POLD1: variants seen among roughly 807,000 people sequenced by gnomAD.
POLD1 encodes the protein DNA polymerase delta catalytic subunit.
Under a neutral mutation model 129.7 loss-of-function variants are expected in POLD1, and 79 were observed. The observed-to-expected ratio is 0.61, with a 90% CI of 0.51 to 0.73. POLD1 has a LOEUF of 0.73. POLD1 is among the 30% of genes least tolerant of loss of function. The probability of loss-of-function intolerance (pLI) is 0.00; values close to 1 mark genes in which losing one functional copy is unlikely to be tolerated. For synonymous variants in POLD1, 714 were observed against 683.3 expected (o/e 1.04, Z -0.70); for missense variants, 1,338 against 1,595.8 (o/e 0.84, Z 2.75).
intron 1 of POLD1, among the ~76,000 whole-genome samples, chr19:50,391,503 C>G (rs1010039007): frequency 2.0e-5 from 3 of 152,168 alleles, no homozygotes; most frequent in African/African-American, 7.2e-5. Flanking sequence ...GGAGACCAGC[C>G]CGGCCAACAC....
rs755163951 is a variant in POLD1, at chr19:50,413,822, G to A, written c.2331G>A (p.Glu777=). The change falls in exon 19 of 27, where the codon GAG becomes GAA. Residue 777 remains glutamate, a synonymous_variant. Transcript: ENST00000440232. ...SVAEAMALGR[E]AADWVSGHFP... ...CTGAGGCGATGGCCCTGGGGCGGGA[G>A]GCCGCGGACTGGGTGTCAGGTCACT... The A allele has an allele frequency of 1.9e-6, 3 of 1,612,190 alleles. No homozygotes were observed. In the Admixed American group the frequency reaches 5.0e-5, roughly 27 times the overall value.
At position 50,402,086 on chromosome 19, in the gene POLD1, GGCCGGCCGT is replaced by G; in HGVS notation, c.554_562del (p.Pro185_Val187del). The G allele has an allele frequency of 6.2e-7, 1 of 1,613,908 alleles. No homozygotes were observed. Among genetic ancestry groups the G allele is most frequent in the Non-Finnish European group, 8.5e-7 (1 of 1,179,906 alleles). Reference sequence around the variant, plus strand: ...AGTCGCGGGGGGAGGGAGCTGACTGGGCCGGCCGTGCTGGCTGTGGAACTGTGCTCCCGA... The same window carrying G: ...AGTCGCGGGGGGAGGGAGCTGACTGGGCTGGCTGTGGAACTGTGCTCCCGA... On this transcript the variant is annotated inframe_deletion, in exon 5 of 27. Coordinates refer to ENST00000440232, the MANE Select transcript of POLD1 (RefSeq NM_002691.4).
chr19:50,398,400 C>T lies in POLD1; in HGVS notation c.-1-451C>T, dbSNP rs191664742. Among the ~76,000 whole-genome samples the T allele has an allele frequency of 3.5e-3, 529 of 151,860 alleles. 3 individuals carry two copies. Among genetic ancestry groups the T allele is most frequent in the African/African-American group, 0.012 (505 of 41,422 alleles). On this transcript the variant is annotated intron_variant, in intron 1 of 26. Coordinates refer to ENST00000440232, the MANE Select transcript of POLD1 (RefSeq NM_002691.4). ...CAGCCTGGCCAACATGGCAAAACCC[C>T]GTCTCTACTCAAAACACAAAAATTA...
intron 22 of POLD1, 171 bp from the exon 23 acceptor site, chr19:50,416,225 C>T: frequency 1.5e-6 from 1 of 647,066 alleles, no homozygotes; most frequent in Non-Finnish European, 2.7e-6. Flanking sequence ...GCCCTACAGA[C>T]TCTGTGGCCC....
rs757846450 is a variant in POLD1, at chr19:50,413,802, G to A, written c.2311G>A (p.Ala771Thr). Reference protein sequence around the residue: ...CRFGVSSVAEAMALGREAADW... With the variant: ...CRFGVSSVAETMALGREAADW... ...ATTCGGCGTGTCCTCGGTGGCTGAG[G>A]CGATGGCCCTGGGGCGGGAGGCCGC... The change falls in exon 19 of 27, where the codon GCG becomes ACG. Residue 771 changes from alanine (A) to threonine (T), a missense_variant. By Grantham distance (58) the Ala-to-Thr change is moderately conservative. Transcript: ENST00000440232. 6.2e-7 allele frequency: 1 copy of A among 1,612,730 alleles called. No individual in the cohort carries two copies. The highest frequency in any genetic ancestry group is 8.5e-7 in the Non-Finnish European group (1 of 1,179,776).
chr19:50,397,847 C>T (rs904519784), intron 1 of POLD1, among the ~76,000 whole-genome samples: 1 of 152,174 alleles, frequency 6.6e-6, no homozygotes, highest in Non-Finnish European at 1.5e-5. Context: ...ATTTTGGAGA[C>T]AGTTGGAGAA....
rs140707092 is a variant in POLD1, at chr19:50,402,067, G to C, written c.532G>C (p.Gly178Arg). ...CTTGGCCATCAGCCGGGACAGTCGCGGGGGGAGGGAGCTGACTGGGCCGGC... is the reference window on the plus strand; with the variant it reads ...CTTGGCCATCAGCCGGGACAGTCGCCGGGGGAGGGAGCTGACTGGGCCGGC... ...LNLAISRDSR[G>R]GRELTGPAVL... Residue 178 changes from glycine (G) to arginine (R), a missense_variant, in exon 5 of 27, where the codon GGG becomes CGG. Gly to Arg is a moderately radical substitution (Grantham distance 125, BLOSUM62 -2). Transcript: ENST00000440232. 40 of 1,614,034 alleles carry C rather than the reference G, an allele frequency of 2.5e-5. 1 individual carries two copies. Among genetic ancestry groups the C allele is most frequent in the Admixed American group, 1.8e-4 (11 of 60,018 alleles).
chr19:50,389,677 C>T lies in POLD1; in HGVS notation c.-2+5287C>T, dbSNP rs190650944. On this transcript the variant is annotated intron_variant, in intron 1 of 26. Coordinates refer to ENST00000440232, the MANE Select transcript of POLD1 (RefSeq NM_002691.4). ...TCTCGGCTCACTGCAACCTCTGCCT[C>T]CTGGGTTCAAGCCATTCTCTTGCCT... is the stretch of plus-strand genomic sequence containing the variant. Among the ~76,000 whole-genome samples, 367 of 151,762 alleles carry T rather than the reference C, an allele frequency of 2.4e-3. 2 individuals are homozygous for T. Among genetic ancestry groups the T allele is most frequent in the African/African-American group, 7.7e-3 (320 of 41,316 alleles).
At chr19:50,400,615 C>A (rs1298422393) in intron 3 of POLD1, among the ~76,000 whole-genome samples, 1 of 146,112 alleles carries the variant, frequency 6.8e-6, no homozygotes, top group Non-Finnish European at 1.5e-5. Context: ...TCACTGTAAC[C>A]TCAACCTCCA....
rs1060501842 is a variant in POLD1, at chr19:50,408,886, C to T, written c.1877C>T (p.Thr626Ile). The T allele has an allele frequency of 6.8e-6, 11 of 1,611,724 alleles. No homozygotes were observed. In the East Asian group the frequency reaches 2.5e-4, roughly 36 times the overall value. The stretch of plus-strand genomic sequence containing the variant: ...TACACCACGCTCCTTCGGCCCGGGA[C>T]TGCACAGAAACTGGGGTATAGTGCC... Reference protein sequence around the residue: ...LCYTTLLRPGTAQKLGLTEDQ... With the variant: ...LCYTTLLRPGIAQKLGLTEDQ... The change falls in exon 15 of 27, where the codon ACT becomes ATT. Residue 626 changes from threonine to isoleucine, a missense_variant. By Grantham distance (89) the Thr-to-Ile change is moderately conservative. This residue lies in a region of POLD1 where 720 missense variants were observed against 1,002.6 expected (regional missense o/e 0.72). Coordinates refer to ENST00000440232, the MANE Select transcript of POLD1 (RefSeq NM_002691.4).
intron 3 of POLD1, among the ~76,000 whole-genome samples, chr19:50,400,522 A>ATTTTTTT (rs1016107364): frequency 4.7e-5 from 3 of 63,520 alleles, no homozygotes; most frequent in South Asian, 5.8e-4. Context: ...TGCCCCGCCT[A>ATTTTTTT]TTTTTTTTTT....
At position 50,400,133 on chromosome 19, in the gene POLD1, A is replaced by ATTTTTT. The variant is rs71182715; in HGVS notation, c.316+672_316+677dup. ...CCAGCCCAATTTGACTTTTTAAAAG[A>ATTTTTT]TTTTTTTTTTTTTTTTTTTTTTTTT... On this transcript the variant is annotated intron_variant, in intron 3 of 26. Transcript: ENST00000440232. Among the ~76,000 whole-genome samples, 46 of 48,150 alleles carry ATTTTTT rather than the reference A, an allele frequency of 9.6e-4. 2 individuals are homozygous for ATTTTTT. The highest frequency in any genetic ancestry group is 2.2e-3 in the African/African-American group (37 of 17,198). 31.6% of individuals were successfully genotyped at this position (48,150 alleles called of 152,430 possible).
At chr19:50,390,353 G>A (rs1158834118) in intron 1 of POLD1, among the ~76,000 whole-genome samples, 1 of 151,838 alleles carries the variant, frequency 6.6e-6, no homozygotes, top group African/African-American at 2.4e-5. Flanking sequence ...AGGTTGCCCC[G>A]GGAGGATGGA....
chr19:50,406,418 G>A lies in POLD1; in HGVS notation c.1395G>A (p.Arg465=), dbSNP rs2038884888. The A allele has an allele frequency of 1.2e-6, 2 of 1,602,964 alleles. No individual in the cohort carries two copies. The highest frequency in any genetic ancestry group is 3.5e-5 in the Admixed American group (2 of 57,698). ...ACCCACCCACCTAGGTGCTGCTGCG[G>A]GAGTACAAGCTCCGCTCCTACACGC... ...VQMDMLQVLL[R]EYKLRSYTLN... is the part of the protein sequence containing the mutation. Residue 465 remains arginine (R), a synonymous_variant, in exon 12 of 27, where the codon CGG becomes CGA. Transcript: ENST00000440232. The surrounding 1 kb of genome is among the most constrained non-coding windows in gnomAD (Gnocchi z 5.5).
intron 19 of POLD1, 84 bp from the exon 20 acceptor site, chr19:50,414,731 G>A: frequency 2.6e-6 from 3 of 1,174,810 alleles, no homozygotes; most frequent in Non-Finnish European, 3.5e-6. Context: ...CTGGGACCCT[G>A]TCTACCTTCA....
At chr19:50,396,954 G>T (rs2038390418) in intron 1 of POLD1, among the ~76,000 whole-genome samples, 1 of 151,052 alleles carries the variant, frequency 6.6e-6, no homozygotes, top group Admixed American at 6.6e-5. Context: ...AATTAGCCAG[G>T]CATGGTGGTG....
chr19:50,400,211 A>ATTTTTTTTTTTTTTTT lies in POLD1; in HGVS notation c.316+738_316+753dup, dbSNP rs549820323. On this transcript the variant is annotated intron_variant, in intron 3 of 26. Transcript: ENST00000440232. The stretch of plus-strand genomic sequence containing the variant: ...CAGGCTGGAGTGCACCTGGCCAATA[A>ATTTTTTTTTTTTTTTT]TTTTTTTTTTTTTTTTTTTTTTTTT... Among the ~76,000 whole-genome samples, 26 of 67,810 alleles carry ATTTTTTTTTTTTTTTT rather than the reference A, an allele frequency of 3.8e-4. 3 individuals are homozygous for ATTTTTTTTTTTTTTTT. The highest frequency in any genetic ancestry group is 1.8e-3 in the African/African-American group (26 of 14,644). The allele number at this position is 67,810 out of a possible 152,430, so 44.5% of individuals were successfully genotyped here. A position where few individuals can be genotyped will look rare whatever the true frequency, so the allele number is the denominator to read the frequency against.
chr19:50,411,436 G>T (rs897422676), intron 17 of POLD1, among the ~76,000 whole-genome samples: 1 of 152,200 alleles, frequency 6.6e-6, no homozygotes. Flanking sequence ...CTGTGTCTCT[G>T]TCTTTTCTCT....
chr19:50,385,438 G>A (rs866311722), intron 1 of POLD1, among the ~76,000 whole-genome samples: 10 of 152,054 alleles, frequency 6.6e-5, no homozygotes, highest in African/African-American at 2.4e-4. Context: ...GAGTGGGCAG[G>A]GTTTAGAGCG....
Sources: gnomAD v4.1 joint callset for allele counts (sites outside exome capture counted in the v4.1 genomes callset) on GRCh38, gnomAD v4.1.1 for gene constraint, gnomAD v4.1.1 regional missense constraint, Gnocchi (gnomAD v3.1) non-coding constraint, MANE v1.5 for transcripts, NCBI Gene and HGNC (gene_info 2026-07-23, HGNC 2026-07-21) for gene names.